Variants in PTPRT observed in about 807,000 individuals in gnomAD.
The protein encoded by PTPRT is receptor-type tyrosine-protein phosphatase T.
In PTPRT, 56 loss-of-function variants were observed where a neutral mutation model predicts 176.8. That is an observed-to-expected ratio of 0.32 (90% CI 0.26 to 0.40). PTPRT has a LOEUF of 0.40. PTPRT is among the 10% of genes least tolerant of loss of function. The probability of loss-of-function intolerance (pLI) is 1.00; values close to 1 mark genes in which losing one functional copy is unlikely to be tolerated. For synonymous variants in PTPRT, 783 were observed against 739.0 expected, an observed-to-expected ratio of 1.06 and a Z score of -0.96; for missense variants, 1,540 against 1,908.2, an observed-to-expected ratio of 0.81 and a Z score of 3.60.
At chr20:42,199,091 TCAGGG>T in intron 16 of PTPRT, 144 bp downstream of exon 16, 1 of 891,596 alleles carries the variant, frequency 1.1e-6, no homozygotes, top group Non-Finnish European at 1.6e-6. Context: ...CAAGTCTTTG[TCAGGG>T]AGAACCTTCA....
At chr20:42,404,128 C>T (rs571706532) in intron 9 of PTPRT, among the ~76,000 whole-genome samples, 4 of 152,310 alleles carry the variant, frequency 2.6e-5, no homozygotes, top group Admixed American at 6.5e-5. Flanking sequence ...GCTAATTCTT[C>T]TCCTGGGCAC....
intron 12 of PTPRT, among the ~76,000 whole-genome samples, chr20:42,300,776 A>T (rs1379866722): frequency 1.3e-5 from 2 of 148,194 alleles, no homozygotes; most frequent in African/African-American, 2.5e-5. Context: ...TATTATTATT[A>T]TTATTTATTA....
intron 1 of PTPRT, among the ~76,000 whole-genome samples, chr20:43,150,700 G>T (rs1172286525): frequency 6.6e-6 from 1 of 151,906 alleles, no homozygotes; most frequent in Admixed American, 6.6e-5. Flanking sequence ...CAAGCAATCT[G>T]CCCTCCTCGG....
intron 7 of PTPRT, among the ~76,000 whole-genome samples, chr20:42,483,521 T>A (rs1204674519): frequency 6.6e-6 from 1 of 152,170 alleles, no homozygotes; most frequent in South Asian, 2.1e-4. Flanking sequence ...AAGCTGTCAC[T>A]CAAAAGCTTC....
chr20:43,048,869 C>A (rs1235915303), intron 1 of PTPRT, among the ~76,000 whole-genome samples: 2 of 152,120 alleles, frequency 1.3e-5, no homozygotes, highest in Non-Finnish European at 2.9e-5. Flanking sequence ...AGTCTTCCTG[C>A]AAGTGACCCT....
At chr20:42,537,615 T>C (rs2072499729) in intron 7 of PTPRT, among the ~76,000 whole-genome samples, 1 of 152,202 alleles carries the variant, frequency 6.6e-6, no homozygotes, top group Non-Finnish European at 1.5e-5. Context: ...GCTGTTTGCC[T>C]CCAAGTTCAG....
At chr20:42,915,580 G>A (rs982334434) in intron 1 of PTPRT, among the ~76,000 whole-genome samples, 2 of 152,230 alleles carry the variant, frequency 1.3e-5, no homozygotes, top group Admixed American at 6.5e-5. Flanking sequence ...GGTGAATCAC[G>A]GCTACTCAGT....
chr20:42,478,727 G>A (rs1485200306), intron 7 of PTPRT, among the ~76,000 whole-genome samples: 2 of 151,844 alleles, frequency 1.3e-5, no homozygotes, highest in South Asian at 2.1e-4. Flanking sequence ...TTAATGCCTC[G>A]ATGACATTTT....
At chr20:42,921,156 C>A (rs1466057844) in intron 1 of PTPRT, among the ~76,000 whole-genome samples, 1 of 152,134 alleles carries the variant, frequency 6.6e-6, no homozygotes, top group East Asian at 1.9e-4. Context: ...AGGGGCTGGA[C>A]ATTAAAATAT....
At chr20:42,578,902 T>G (rs6065514) in intron 7 of PTPRT, among the ~76,000 whole-genome samples, 63,477 of 139,330 alleles carry the variant, frequency 0.46, 14,543 homozygotes, top group South Asian at 0.57. Flanking sequence ...TTTTTTTTTT[T>G]GGGGGGGGGT....
At chr20:42,039,156 C>T in the PTPRT span, among the ~76,000 whole-genome samples, 1 of 152,054 alleles carries the variant, frequency 6.6e-6, no homozygotes, top group Non-Finnish European at 1.5e-5. Flanking sequence ...CAGTTACATG[C>T]AAAGTGCTTT....
intron 15 of PTPRT, among the ~76,000 whole-genome samples, chr20:42,222,877 A>T (rs2055916900): frequency 6.6e-6 from 1 of 152,186 alleles, no homozygotes; most frequent in African/African-American, 2.4e-5. Flanking sequence ...GTTGGACAGA[A>T]ATTTCAGAGG....
intron 7 of PTPRT, among the ~76,000 whole-genome samples, chr20:42,530,390 G>A (rs2145538174): frequency 6.6e-6 from 1 of 152,348 alleles, no homozygotes; most frequent in South Asian, 2.1e-4. Context: ...CATAAGGAGT[G>A]TGGATCCTGG....
chr20:42,867,942 A>C (rs2078777949), intron 2 of PTPRT, among the ~76,000 whole-genome samples: 1 of 152,144 alleles, frequency 6.6e-6, no homozygotes. Context: ...TTGGCCTCCC[A>C]AAGTGCTGAG....
chr20:42,121,163 G>A (rs114504510), intron 19 of PTPRT, among the ~76,000 whole-genome samples: 1,775 of 152,266 alleles, frequency 0.012, 42 homozygotes, highest in African/African-American at 0.04. Flanking sequence ...AAGTTTCTGC[G>A]TCCCTTGTAC....
At chr20:42,278,073 CTATATATATATATATATATATATA>C (rs777694770) in intron 13 of PTPRT, among the ~76,000 whole-genome samples, 1,909 of 39,224 alleles carry the variant, frequency 0.049, 70 homozygotes, top group Non-Finnish European at 0.067. Flanking sequence ...TGTAAGTAGA[CTATATATATATATATATATATATA>C]TATATATATA....
At chr20:42,747,134 G>A (rs139175764) in intron 6 of PTPRT, among the ~76,000 whole-genome samples, 10 of 152,214 alleles carry the variant, frequency 6.6e-5, no homozygotes, top group Middle Eastern at 3.4e-3. Context: ...TTAAGGAAAC[G>A]TAATACTTAA....
At chr20:43,011,079 C>T (rs1568732198) in intron 1 of PTPRT, among the ~76,000 whole-genome samples, 1 of 152,232 alleles carries the variant, frequency 6.6e-6, no homozygotes, top group African/African-American at 2.4e-5. Flanking sequence ...TCTTTGCCTA[C>T]TCTGAAAGCA....
chr20:42,141,866 C>T, intron 18 of PTPRT, 49 bp downstream of exon 18: 1 of 1,503,208 alleles, frequency 6.7e-7, no homozygotes, highest in Non-Finnish European at 9.3e-7. Flanking sequence ...CCTCTTTTCC[C>T]CTGCATCCTC....
Sources: gnomAD v4.1 joint callset for allele counts (sites outside exome capture counted in the v4.1 genomes callset) on GRCh38, gnomAD v4.1.1 for gene constraint, MANE v1.5 for transcripts, NCBI Gene and HGNC (gene_info 2026-07-23, HGNC 2026-07-21) for gene names.